Variants in ATP6V1C2 observed in about 807,000 individuals in gnomAD.
ATP6V1C2 encodes the protein ATPase H+ transporting V1 subunit C2, also known as V-type proton ATPase subunit C 2.
ATP6V1C2 carries 45 observed loss-of-function variants against 56.8 expected under a neutral mutation model. The ratio of observed to expected loss-of-function variants is 0.79; its 90% CI spans 0.62 to 1.02. The LOEUF is 1.02. Ranked by LOEUF, ATP6V1C2 falls within the 50% of genes least tolerant of loss-of-function variation. ATP6V1C2 has a pLI of 0.00. For missense variants in ATP6V1C2, 463 were observed against 519.7 expected (o/e 0.89, Z 1.06); for synonymous variants, 220 against 201.3 (o/e 1.09, Z -0.79).
chr2:10,782,377 T>C lies in ATP6V1C2; in HGVS notation c.1194+2T>C. On this transcript the variant is annotated splice_donor_variant, in intron 13 of 13. Transcript: ENST00000272238. LOFTEE classifies it high-confidence loss of function. ...GTAGCCGCTACAAGTATACTGGATGTAGGTATCCAGAAACAGCAGTATTTC... is the reference window on the plus strand; with the variant it reads ...GTAGCCGCTACAAGTATACTGGATGCAGGTATCCAGAAACAGCAGTATTTC... The C allele has an allele frequency of 6.2e-7, 1 of 1,613,700 alleles. No individual in the cohort carries two copies. Among genetic ancestry groups the C allele is most frequent in the Non-Finnish European group, 8.5e-7 (1 of 1,179,886 alleles).
intron 2 of ATP6V1C2, among the ~76,000 whole-genome samples, chr2:10,726,259 C>T (rs1661634420): frequency 2.0e-5 from 3 of 152,202 alleles, no homozygotes; most frequent in African/African-American, 7.2e-5. Flanking sequence ...CAGATGGTAA[C>T]ATCATAGTCA....
rs546632873 is a variant in ATP6V1C2 at position 10,783,148 on chromosome 2, G to C, written c.1195-26G>C. ...GACAGGAAACTAGTTTATGCACTTA[G>C]AGCATTACCATGTCTTCTTTTGTAG... On this transcript the variant is annotated intron_variant, in intron 13 of 13. Coordinates refer to ENST00000272238, the MANE Select transcript of ATP6V1C2 (RefSeq NM_001039362.2). 38 of 1,568,878 alleles carry C rather than the reference G, an allele frequency of 2.4e-5. No homozygotes were observed. In the East Asian group the frequency reaches 7.6e-4, roughly 31 times the overall value.
chr2:10,739,743 C>T (rs1662444882), intron 3 of ATP6V1C2, among the ~76,000 whole-genome samples: 1 of 152,090 alleles, frequency 6.6e-6, no homozygotes, highest in African/African-American at 2.4e-5. Context: ...TAATTAATAT[C>T]CTTGCATAAC....
At chr2:10,750,496 A>G (rs942226191) in intron 3 of ATP6V1C2, among the ~76,000 whole-genome samples, 9 of 150,622 alleles carry the variant, frequency 6.0e-5, no homozygotes, top group African/African-American at 2.2e-4. Flanking sequence ...AGCCTGGGCG[A>G]CAGGGTGAGA....
chr2:10,764,160 C>T (rs1304896679), intron 4 of ATP6V1C2, among the ~76,000 whole-genome samples, 171 bp from the exon 5 acceptor site: 4 of 152,210 alleles, frequency 2.6e-5, no homozygotes, highest in Non-Finnish European at 5.9e-5. Context: ...GCTCACAGCT[C>T]CCCGCTCCCG....
At chr2:10,750,816 AC>A (rs1391536230) in intron 3 of ATP6V1C2, among the ~76,000 whole-genome samples, 19 of 152,148 alleles carry the variant, frequency 1.2e-4, no homozygotes, top group Non-Finnish European at 2.2e-4. Context: ...TAAAAGAGGA[AC>A]CGTTGGTAGC....
intron 4 of ATP6V1C2, among the ~76,000 whole-genome samples, chr2:10,758,965 C>G (rs1056805096): frequency 6.6e-6 from 1 of 152,200 alleles, no homozygotes; most frequent in East Asian, 1.9e-4. Flanking sequence ...CCGCGCCGGC[C>G]GAGAGGCCTT....
At chr2:10,756,250 C>T (rs1663546401) in intron 4 of ATP6V1C2, among the ~76,000 whole-genome samples, 1 of 151,972 alleles carries the variant, frequency 6.6e-6, no homozygotes, top group African/African-American at 2.4e-5. Context: ...ATCCCAGCTA[C>T]TTGGGAGGCT....
chr2:10,756,672 C>A (rs59051165), intron 4 of ATP6V1C2, among the ~76,000 whole-genome samples: 1 of 151,946 alleles, frequency 6.6e-6, no homozygotes, highest in Non-Finnish European at 1.5e-5. Flanking sequence ...GAGCCGAGAT[C>A]GCACATTGTA....
rs1350208693 is a variant in ATP6V1C2 at position 10,760,799 on chromosome 2, G to T, written c.284-3532G>T. On this transcript the variant is annotated intron_variant, in intron 4 of 13. Coordinates refer to ENST00000272238, the MANE Select transcript of ATP6V1C2 (RefSeq NM_001039362.2). ...CAGGGGTGCTTCAGATGGAAAGGGA[G>T]ACCTCAGCCCTTTGGTCTGAATGCC... Among the ~76,000 whole-genome samples the T allele has an allele frequency of 2.6e-5, 4 of 152,204 alleles. No homozygotes were observed. The East Asian group carries it at 7.7e-4, about 29-fold the overall frequency.
intron 3 of ATP6V1C2, among the ~76,000 whole-genome samples, chr2:10,732,535 C>T (rs1403682076): frequency 6.6e-6 from 1 of 151,962 alleles, no homozygotes; most frequent in East Asian, 2.0e-4. Flanking sequence ...GTTGGGGTTA[C>T]GGGCGTGAGC....
intron 3 of ATP6V1C2, among the ~76,000 whole-genome samples, chr2:10,737,982 C>T (rs1379947325): frequency 1.3e-5 from 2 of 152,178 alleles, no homozygotes; most frequent in Admixed American, 6.5e-5. Flanking sequence ...TGAGCCCCGG[C>T]GCCTGGCCAT....
Position 10,784,375 on chromosome 2 carries a change from T to G in ATP6V1C2, c.*1112T>G. 2.0e-6 allele frequency: 3 copies of G among 1,469,172 alleles called. No individual in the cohort carries two copies. Among genetic ancestry groups the G allele is most frequent in the Non-Finnish European group, 2.8e-6 (3 of 1,059,640 alleles). 91.0% of individuals were successfully genotyped at this position (1,469,172 alleles called of 1,614,324 possible). ...GTTAGATCTGCAGAAGGGGACACCC[T>G]GGAAGGTCAACATCTCATTTTATGG... On this transcript the variant is annotated 3_prime_UTR_variant, in exon 14 of 14. Coordinates refer to ENST00000272238, the MANE Select transcript of ATP6V1C2 (RefSeq NM_001039362.2).
At position 10,771,925 on chromosome 2, in the gene ATP6V1C2, T is replaced by C. The variant is rs1558420652; in HGVS notation, c.557T>C (p.Val186Ala). 1.2e-6 allele frequency: 2 copies of C among 1,613,944 alleles called. No individual in the cohort carries two copies. The highest frequency in any genetic ancestry group is 2.2e-5 in the South Asian group (2 of 91,074). Residue 186 changes from valine to alanine, a missense_variant, in exon 7 of 14, where the codon GTC (valine) becomes GCC (alanine). Physicochemically the swap from Val to Ala is moderately conservative, Grantham distance 64. Transcript: ENST00000272238. ...LDSEYLVTLL[V>A]IVPKPNYSQW... Reference sequence around the variant, plus strand: ...TCTGAATATCTCGTCACACTTCTGGTCATCGTCCCCAAGTGAGTGCTGGGC... The same window carrying C: ...TCTGAATATCTCGTCACACTTCTGGCCATCGTCCCCAAGTGAGTGCTGGGC...
chr2:10,736,663 A>G (rs1662262338), intron 3 of ATP6V1C2, among the ~76,000 whole-genome samples: 1 of 151,800 alleles, frequency 6.6e-6, no homozygotes, highest in Admixed American at 6.6e-5. Flanking sequence ...TTTTCTGTAA[A>G]ACATGCTTAG....
chr2:10,763,627 G>A lies in ATP6V1C2; in HGVS notation c.284-704G>A, dbSNP rs571567106. ...GAATTCCAGGGGCCACCGTGGCGCT[G>A]CAGCTTCCAGGGAATTTCCCGCTCT... On this transcript the variant is annotated intron_variant, in intron 4 of 13. Transcript: ENST00000272238. The surrounding 1 kb of genome is among the most constrained non-coding windows in gnomAD (Gnocchi z 4.2). 6.6e-6 allele frequency among the ~76,000 whole-genome samples: 1 copy of A among 152,324 alleles called. No homozygotes were observed. Among genetic ancestry groups the A allele is most frequent in the South Asian group, 2.1e-4 (1 of 4,826 alleles).
intron 4 of ATP6V1C2, among the ~76,000 whole-genome samples, chr2:10,764,032 C>T (rs1321692135): frequency 6.6e-6 from 1 of 152,204 alleles, no homozygotes; most frequent in Non-Finnish European, 1.5e-5. Context: ...CACCTCCCTG[C>T]CGTTTAATAT....
chr2:10,780,039 C>A lies in ATP6V1C2; in HGVS notation c.1061+1370C>A, dbSNP rs537846151. On this transcript the variant is annotated intron_variant, in intron 12 of 13. Transcript: ENST00000272238. This position sits in a 1 kb window ranked among gnomAD's most constrained non-coding sequence, Gnocchi z 4.1. The stretch of plus-strand genomic sequence containing the variant: ...TCTGTGTGACCTTCCGGACCCCTTC[C>A]CCGCCTGCACTGAGGAGCTCCTCAT... Among the ~76,000 whole-genome samples, 1 of 152,168 alleles carries A rather than the reference C, an allele frequency of 6.6e-6. No individual in the cohort carries two copies. Among genetic ancestry groups the A allele is most frequent in the Non-Finnish European group, 1.5e-5 (1 of 68,028 alleles).
At chr2:10,759,263 C>A (rs1663749303) in intron 4 of ATP6V1C2, among the ~76,000 whole-genome samples, 1 of 152,204 alleles carries the variant, frequency 6.6e-6, no homozygotes, top group Admixed American at 6.5e-5. Flanking sequence ...TCCTTGCCTC[C>A]AGCAGAGCTG....
Sources: gnomAD v4.1 joint callset for allele counts (sites outside exome capture counted in the v4.1 genomes callset) on GRCh38, gnomAD v4.1.1 for gene constraint, Gnocchi (gnomAD v3.1) non-coding constraint, MANE v1.5 for transcripts, NCBI Gene and HGNC (gene_info 2026-07-23, HGNC 2026-07-21) for gene names.